Variants in ABCC4 observed in about 807,000 individuals in gnomAD.
The protein encoded by ABCC4 is ATP-binding cassette sub-family C member 4.
In ABCC4, 102 loss-of-function variants were observed where a neutral mutation model predicts 168.5. That is an observed-to-expected ratio of 0.61 (90% CI 0.52 to 0.71). The LOEUF (loss-of-function observed/expected upper bound fraction) is 0.71, where lower values mean the gene tolerates loss of function less well. ABCC4 is among the 30% of genes least tolerant of loss of function. The pLI, the probability that ABCC4 is intolerant of heterozygous loss-of-function variation, is 0.00. For synonymous variants in ABCC4, 617 were observed against 590.7 expected (o/e 1.04, Z -0.65); for missense variants, 1,402 against 1,605.8 (o/e 0.87, Z 2.17).
chr13:95,241,039 T>C (rs1023011163), intron 3 of ABCC4, among the ~76,000 whole-genome samples: 1 of 151,816 alleles, frequency 6.6e-6, no homozygotes, highest in Non-Finnish European at 1.5e-5. Context: ...GTCAGGCAGC[T>C]GAACAAGAAA....
At chr13:95,259,340 A>T (rs2040469711) in intron 1 of ABCC4, among the ~76,000 whole-genome samples, 1 of 150,264 alleles carries the variant, frequency 6.7e-6, no homozygotes, top group African/African-American at 2.5e-5. Context: ...AGATCACGCC[A>T]TTGTACTCCA....
At chr13:95,155,932 A>G (rs1002009117) in intron 19 of ABCC4, among the ~76,000 whole-genome samples, 4 of 152,254 alleles carry the variant, frequency 2.6e-5, no homozygotes, top group African/African-American at 2.4e-5. Flanking sequence ...TAGAGACCTG[A>G]TAAGAATAAA....
At chr13:95,029,988 T>TATCCATCCATCCATCCATCCATCC (rs71207571) in intron 30 of ABCC4, among the ~76,000 whole-genome samples, 3 of 146,326 alleles carry the variant, frequency 2.1e-5, no homozygotes, top group Admixed American at 6.9e-5. Flanking sequence ...CTTGTCTATC[T>TATCCATCCATCCATCCATCCATCC]ATCCATCCAT....
At chr13:95,232,076 A>G (rs1444568578) in intron 4 of ABCC4, among the ~76,000 whole-genome samples, 2 of 151,934 alleles carry the variant, frequency 1.3e-5, no homozygotes, top group Non-Finnish European at 2.9e-5. Flanking sequence ...ATGGTAGAAG[A>G]GAGTACAGGA....
At chr13:95,196,713 GAAGGAAGGAAGGAAGGAAGA>G (rs2038461623) in intron 8 of ABCC4, among the ~76,000 whole-genome samples, 2 of 97,968 alleles carry the variant, frequency 2.0e-5, no homozygotes, top group African/African-American at 3.2e-5. Flanking sequence ...AGGAAGGAAG[GAAGGAAGGAAGGAAGGAAGA>G]AGGGAGGGAG....
chr13:95,189,378 C>A (rs12866685), intron 9 of ABCC4, among the ~76,000 whole-genome samples: 1 of 152,040 alleles, frequency 6.6e-6, no homozygotes, highest in Non-Finnish European at 1.5e-5. Context: ...GCCTCGGCCT[C>A]CCAAAGTGCT....
intron 26 of ABCC4, among the ~76,000 whole-genome samples, chr13:95,058,343 G>A (rs2033140878): frequency 6.6e-6 from 1 of 151,844 alleles, no homozygotes; most frequent in African/African-American, 2.4e-5. Flanking sequence ...GGCTGAGGCA[G>A]GCGGATCACA....
At chr13:95,273,272 A>C (rs1015605432) in intron 1 of ABCC4, among the ~76,000 whole-genome samples, 2 of 152,196 alleles carry the variant, frequency 1.3e-5, no homozygotes, top group African/African-American at 2.4e-5. Context: ...CAGCTTTGAC[A>C]AGGTAGGGCC....
intron 10 of ABCC4, among the ~76,000 whole-genome samples, chr13:95,187,544 C>A (rs1260176956): frequency 2.6e-5 from 4 of 152,164 alleles, no homozygotes; most frequent in African/African-American, 4.8e-5. Context: ...ATGGAGGTTG[C>A]AGTGACTCTA....
chr13:95,272,733 C>CA (rs1230884609), intron 1 of ABCC4, among the ~76,000 whole-genome samples: 1 of 151,644 alleles, frequency 6.6e-6, no homozygotes. Context: ...ACTAAAAATC[C>CA]AAAAATTAGC....
At chr13:95,261,230 C>T (rs975703369) in intron 1 of ABCC4, among the ~76,000 whole-genome samples, 1 of 151,910 alleles carries the variant, frequency 6.6e-6, no homozygotes, top group Non-Finnish European at 1.5e-5. Context: ...GGCAAATCAC[C>T]TGAGGTCAAG....
intron 19 of ABCC4, among the ~76,000 whole-genome samples, chr13:95,146,636 G>T (rs374829079): frequency 2.0e-5 from 3 of 152,204 alleles, no homozygotes; most frequent in African/African-American, 7.2e-5. Context: ...AATAACAAGA[G>T]TATTGGGCAA....
intron 20 of ABCC4, among the ~76,000 whole-genome samples, chr13:95,086,181 G>A (rs2139339859): frequency 6.6e-6 from 1 of 150,894 alleles, no homozygotes; most frequent in East Asian, 2.0e-4. Flanking sequence ...GGAAATAACA[G>A]ACTTCTCAGC....
chr13:95,239,129 C>A (rs2039857788), intron 3 of ABCC4, among the ~76,000 whole-genome samples: 1 of 148,956 alleles, frequency 6.7e-6, no homozygotes. Context: ...ATAGTCCCTG[C>A]ACATTATTAT....
intron 19 of ABCC4, among the ~76,000 whole-genome samples, chr13:95,122,303 G>A (rs766209573): frequency 9.2e-5 from 14 of 152,048 alleles, no homozygotes; most frequent in Non-Finnish European, 1.9e-4. Context: ...CATCTTACGC[G>A]TATCTAAATA....
intron 20 of ABCC4, among the ~76,000 whole-genome samples, chr13:95,091,696 T>C (rs1466382894): frequency 6.6e-6 from 1 of 152,014 alleles, no homozygotes; most frequent in Admixed American, 6.6e-5. Flanking sequence ...CAGAAACTCT[T>C]TAAAGCATAA....
chr13:95,163,357 A>G (rs1223864433), intron 17 of ABCC4, 141 bp from the exon 18 acceptor site: 6 of 673,886 alleles, frequency 8.9e-6, no homozygotes, highest in African/African-American at 3.6e-5. Flanking sequence ...GTGTATATCT[A>G]CCTTATAAAA....
intron 4 of ABCC4, among the ~76,000 whole-genome samples, chr13:95,226,192 A>G (rs958357250): frequency 1.3e-5 from 2 of 151,436 alleles, no homozygotes; most frequent in Non-Finnish European, 2.9e-5. Flanking sequence ...CATGTCTTAG[A>G]ATTCAAGATG....
Position 95,020,823 on chromosome 13 carries a change from C to T in ABCC4, c.*752G>A, listed in dbSNP as rs1199747248. ...CACAATGCTGAGTCTAAAACTGCAA[C>T]AGTTACCGTGTCCAAGTCATGCAAC... On this transcript the variant is annotated 3_prime_UTR_variant, in exon 31 of 31. Coordinates refer to ENST00000645237, the MANE Select transcript of ABCC4 (RefSeq NM_005845.5). The T allele has an allele frequency of 6.6e-6, 1 of 152,452 alleles. No homozygotes were observed. Among genetic ancestry groups the T allele is most frequent in the Non-Finnish European group, 1.5e-5 (1 of 68,038 alleles). The allele number at this position is 152,452 out of a possible 1,614,324, so 9.4% of individuals were successfully genotyped here.
Sources: allele counts gnomAD v4.1 joint callset (sites outside exome capture counted in the v4.1 genomes callset), GRCh38; gene constraint gnomAD v4.1.1; transcripts MANE v1.5; gene names NCBI Gene and HGNC (gene_info 2026-07-23, HGNC 2026-07-21).